The following PACRG variants were observed in gnomAD, a reference collection of about 807,000 sequenced individuals.
PACRG encodes the protein parkin coregulated.
A neutral mutation model predicts 29.7 loss-of-function variants in PACRG; 29 were observed. That is an observed-to-expected ratio of 0.98 (90% CI 0.73 to 1.33). PACRG has a LOEUF of 1.33. PACRG is among the 40% of genes most tolerant of loss of function. The pLI, the probability that PACRG is intolerant of heterozygous loss-of-function variation, is 0.00. For synonymous variants in PACRG, 116 were observed against 118.7 expected, an observed-to-expected ratio of 0.98 and a Z score of 0.15; for missense variants, 279 against 316.2, an observed-to-expected ratio of 0.88 and a Z score of 0.89.
intron 2 of PACRG, among the ~76,000 whole-genome samples, chr6:163,025,125 C>T (rs1344251223): frequency 2.0e-5 from 3 of 152,150 alleles, no homozygotes; most frequent in Non-Finnish European, 2.9e-5. Context: ...CCATAGCCCA[C>T]ATCATACTGA....
chr6:163,312,454 C>A (rs67441596), intron 4 of PACRG, among the ~76,000 whole-genome samples: 17,806 of 152,110 alleles, frequency 0.12, 1,065 homozygotes, highest in Middle Eastern at 0.21. Context: ...CGCCTCCTCC[C>A]AACACGAGCT....
At chr6:163,092,272 G>A (rs140825614) in intron 4 of PACRG, among the ~76,000 whole-genome samples, 79 of 152,322 alleles carry the variant, frequency 5.2e-4, no homozygotes, top group African/African-American at 1.7e-3. Context: ...AGTGGGGGTT[G>A]CAGAGCCAGG....
chr6:162,741,336 C>T lies in PACRG; in HGVS notation c.156+12945C>T, dbSNP rs140912095. Among the ~76,000 whole-genome samples, 59 of 152,210 alleles carry T rather than the reference C, an allele frequency of 3.9e-4. No individual in the cohort carries two copies. In the East Asian group the frequency reaches 9.3e-3, roughly 24 times the overall value. On this transcript the variant is annotated intron_variant, in intron 1 of 4. Transcript: ENST00000366888. ...GGCTGGGTCTGTCATAACACAATACCATAGACTGGGTGGCTTAAACATTTA... is the reference window on the plus strand; with the variant it reads ...GGCTGGGTCTGTCATAACACAATACTATAGACTGGGTGGCTTAAACATTTA...
chr6:163,250,070 T>G (rs1782843067), intron 4 of PACRG, among the ~76,000 whole-genome samples: 1 of 152,198 alleles, frequency 6.6e-6, no homozygotes, highest in Admixed American at 6.5e-5. Context: ...CAAGTGGTCA[T>G]AAGGTGATAG....
At chr6:162,900,954 C>T (rs1795519055) in intron 2 of PACRG, among the ~76,000 whole-genome samples, 2 of 152,218 alleles carry the variant, frequency 1.3e-5, no homozygotes, top group Admixed American at 1.3e-4. Context: ...AATTCTTCAA[C>T]TACGCATCCC....
At chr6:162,908,333 T>A (rs1218991938) in intron 2 of PACRG, among the ~76,000 whole-genome samples, 6 of 152,238 alleles carry the variant, frequency 3.9e-5, no homozygotes, top group African/African-American at 1.4e-4. Flanking sequence ...TGGATTATCA[T>A]AATCGTGTTT....
intron 2 of PACRG, among the ~76,000 whole-genome samples, chr6:162,930,663 T>A (rs1324041083): frequency 6.6e-6 from 1 of 152,048 alleles, no homozygotes; most frequent in Non-Finnish European, 1.5e-5. Flanking sequence ...ATCCTTTTCT[T>A]GTTCCATATC....
chr6:162,956,003 A>G (rs1800000578), intron 2 of PACRG, among the ~76,000 whole-genome samples: 1 of 152,104 alleles, frequency 6.6e-6, no homozygotes, highest in African/African-American at 2.4e-5. Context: ...ACATGGTGGG[A>G]AGCACAGGAG....
chr6:162,779,055 T>C (rs1241340118), intron 1 of PACRG, among the ~76,000 whole-genome samples: 1 of 152,132 alleles, frequency 6.6e-6, no homozygotes. Context: ...CAGGCCCAAT[T>C]GTATGTTGTT....
At chr6:162,751,479 CT>C (rs5881495) in intron 1 of PACRG, among the ~76,000 whole-genome samples, 7,074 of 148,194 alleles carry the variant, frequency 0.048, 564 homozygotes, top group African/African-American at 0.16. Context: ...GTTCTGAAAT[CT>C]TTTTTTTTTG....
At chr6:162,747,462 A>ATG (rs1781158710) in intron 1 of PACRG, among the ~76,000 whole-genome samples, 1 of 98,862 alleles carries the variant, frequency 1.0e-5, no homozygotes, top group Non-Finnish European at 1.8e-5. Context: ...AACTATAAAT[A>ATG]TATATGTAAA....
chr6:162,949,080 A>G (rs2128130462), intron 2 of PACRG, among the ~76,000 whole-genome samples: 1 of 152,270 alleles, frequency 6.6e-6, no homozygotes, highest in East Asian at 1.9e-4. Flanking sequence ...TACTCACAAC[A>G]GCTATGAATC....
intron 4 of PACRG, chr6:163,191,075 A>C (rs2128360883): frequency 2.4e-6 from 1 of 419,810 alleles, no homozygotes; most frequent in Admixed American, 2.6e-5. Context: ...AACAAACAAA[A>C]AACCTGTTAC....
At chr6:162,782,249 T>A (rs1784147613) in intron 1 of PACRG, among the ~76,000 whole-genome samples, 1 of 152,036 alleles carries the variant, frequency 6.6e-6, no homozygotes. Context: ...TGACACAATT[T>A]CATGGGGAAA....
chr6:163,245,222 T>TA lies in PACRG; in HGVS notation c.614-69605_614-69604insA, dbSNP rs1782648100. The stretch of plus-strand genomic sequence containing the variant: ...ACATTTAGTAATAGTTTATTATGGC[T>TA]TTATCTTTTAAAGTCTACTTTCGCG... On this transcript the variant is annotated intron_variant, in intron 4 of 4. Coordinates refer to ENST00000366888, the MANE Select transcript of PACRG (RefSeq NM_001080379.2). 2.5e-5 allele frequency: 6 copies of TA among 240,838 alleles called. No individual in the cohort carries two copies. In the South Asian group the frequency reaches 2.9e-4, roughly 12 times the overall value. The allele number at this position is 240,838 out of a possible 1,614,324, so 14.9% of individuals were successfully genotyped here.
At chr6:162,992,800 T>C (rs1803575494) in intron 2 of PACRG, among the ~76,000 whole-genome samples, 1 of 133,108 alleles carries the variant, frequency 7.5e-6, no homozygotes. Flanking sequence ...ATGTGTTTGC[T>C]CTTGCTTTTC....
intron 2 of PACRG, among the ~76,000 whole-genome samples, chr6:162,890,974 T>C (rs1300459558): frequency 6.6e-6 from 1 of 152,192 alleles, no homozygotes; most frequent in Non-Finnish European, 1.5e-5. Flanking sequence ...AGCTACATCC[T>C]TTTGCAAAGC....
chr6:162,933,778 CGTTTA>C (rs1798038824), intron 2 of PACRG, among the ~76,000 whole-genome samples: 1 of 151,666 alleles, frequency 6.6e-6, no homozygotes, highest in Admixed American at 6.6e-5. Flanking sequence ...AAAAAAGGTT[CGTTTA>C]GTTCATGGTT....
intron 2 of PACRG, among the ~76,000 whole-genome samples, chr6:162,909,106 C>A (rs1796126887): frequency 6.6e-6 from 1 of 152,168 alleles, no homozygotes; most frequent in Admixed American, 6.5e-5. Context: ...CTGCTGAATC[C>A]AACCACATGA....
Sources: gnomAD v4.1 joint callset for allele counts (sites outside exome capture counted in the v4.1 genomes callset) on GRCh38, gnomAD v4.1.1 for gene constraint, MANE v1.5 for transcripts, NCBI Gene and HGNC (gene_info 2026-07-23, HGNC 2026-07-21) for gene names.